DMD: variants seen among roughly 807,000 people sequenced by gnomAD.
DMD encodes the protein dystrophin.
In DMD, 63 loss-of-function variants were observed where a neutral mutation model predicts 330.1. The observed-to-expected ratio is 0.19, with a 90% CI of 0.16 to 0.24. DMD has a LOEUF of 0.24. Ranked by LOEUF, DMD falls within the 10% of genes least tolerant of loss-of-function variation. The probability of loss-of-function intolerance (pLI) is 1.00; values close to 1 mark genes in which losing one functional copy is unlikely to be tolerated. For missense variants in DMD, 3,344 were observed against 2,684.1 expected (o/e 1.25, Z -5.43); for synonymous variants, 1,223 against 959.8 (o/e 1.27, Z -5.07).
chrX:31,980,426 G>GT (rs759929262), intron 44 of DMD, among the ~76,000 whole-genome samples: 1 of 111,975 alleles, frequency 8.9e-6, no homozygotes, highest in African/African-American at 3.2e-5. Context: ...GATCAAAATA[G>GT]TACATTTTGT....
intron 1 of DMD, among the ~76,000 whole-genome samples, chrX:33,224,215 T>A (rs995763840): frequency 3.6e-5 from 4 of 112,268 alleles, no homozygotes; most frequent in African/African-American, 1.3e-4. Context: ...TATGATCAAG[T>A]AATTAGACTC....
rs1277576116 is a variant in DMD, at chrX:31,979,675, G to A, written c.6439-11161C>T. 2.7e-5 allele frequency among the ~76,000 whole-genome samples: 3 copies of A among 112,099 alleles called. No homozygotes were observed. The Admixed American group carries it at 2.8e-4, about 11-fold the overall frequency. ...GAAGCTGGTCAAAGACAATTCAAAT[G>A]TTCTGCACTTCATATTAGTGGTGGG... On this transcript the variant is annotated intron_variant, in intron 44 of 78. Transcript: ENST00000357033.
chrX:33,238,483 C>T (rs2052525978), intron 1 of DMD, among the ~76,000 whole-genome samples: 2 of 110,732 alleles, frequency 1.8e-5, no homozygotes, highest in South Asian at 7.6e-4. Context: ...ATACAGCACC[C>T]TCTCTCCCCC....
At chrX:31,480,551 T>C (rs893085821) in intron 57 of DMD, among the ~76,000 whole-genome samples, 1 of 84,919 alleles carries the variant, frequency 1.2e-5, no homozygotes, top group African/African-American at 5.0e-5. Flanking sequence ...GAAATCTCCA[T>C]GTTTGTGTGT....
intron 60 of DMD, among the ~76,000 whole-genome samples, chrX:31,369,739 A>G (rs1244185982): frequency 9.0e-6 from 1 of 111,010 alleles, no homozygotes; most frequent in African/African-American, 3.3e-5. Context: ...AATAAGTCTG[A>G]CCTTACTTCA....
intron 21 of DMD, among the ~76,000 whole-genome samples, chrX:32,482,865 C>G (rs746140907): frequency 9.2e-6 from 1 of 109,040 alleles, no homozygotes; most frequent in East Asian, 2.9e-4. Context: ...TGCCATTTTC[C>G]AACACTGATA....
At chrX:33,126,858 G>A (rs978665262) in intron 1 of DMD, among the ~76,000 whole-genome samples, 1 of 110,989 alleles carries the variant, frequency 9.0e-6, no homozygotes, top group African/African-American at 3.3e-5. Context: ...AGCTATATTC[G>A]GCTCAGCTTG....
intron 1 of DMD, among the ~76,000 whole-genome samples, chrX:33,046,811 T>G (rs1017691829): frequency 4.6e-4 from 52 of 112,407 alleles, no homozygotes; most frequent in African/African-American, 1.7e-3. Flanking sequence ...TACAGCAAAG[T>G]AAGCAAAATT....
intron 1 of DMD, among the ~76,000 whole-genome samples, chrX:33,072,468 A>G (rs1242380406): frequency 2.7e-5 from 3 of 112,301 alleles, no homozygotes; most frequent in Non-Finnish European, 5.6e-5. Context: ...AGATAATTAC[A>G]CAAGGATTTC....
intron 18 of DMD, among the ~76,000 whole-genome samples, chrX:32,516,054 GA>G (rs200541301): frequency 7.3e-4 from 74 of 101,903 alleles, no homozygotes; most frequent in Admixed American, 1.2e-3. Flanking sequence ...GAAATCAAGT[GA>G]AAAAAAAAAG....
At chrX:31,841,293 T>C (rs916429720) in intron 48 of DMD, among the ~76,000 whole-genome samples, 4 of 111,091 alleles carry the variant, frequency 3.6e-5, no homozygotes, top group African/African-American at 9.8e-5. Flanking sequence ...GGTGAGGAAA[T>C]TGTAGAAGAA....
At chrX:31,290,728 T>C (rs1020455983) in intron 62 of DMD, among the ~76,000 whole-genome samples, 1 of 111,779 alleles carries the variant, frequency 8.9e-6, no homozygotes, top group African/African-American at 3.3e-5. Context: ...CCTGCAAAAA[T>C]TAAAAGAAGT....
intron 7 of DMD, among the ~76,000 whole-genome samples, chrX:32,715,159 C>A (rs904844148): frequency 9.0e-6 from 1 of 111,237 alleles, no homozygotes; most frequent in African/African-American, 3.3e-5. Flanking sequence ...TAGTTATACA[C>A]AATGGAATAT....
chrX:33,006,060 C>T (rs1363788535), intron 2 of DMD, among the ~76,000 whole-genome samples: 4 of 111,083 alleles, frequency 3.6e-5, no homozygotes, highest in Non-Finnish European at 7.6e-5. Flanking sequence ...AAGATCTTTA[C>T]AAGAAAACTA....
intron 51 of DMD, among the ~76,000 whole-genome samples, chrX:31,755,605 G>A (rs1198002358): frequency 9.1e-6 from 1 of 110,078 alleles, no homozygotes. Context: ...TTGATCTAGG[G>A]CAATTCATAA....
intron 62 of DMD, among the ~76,000 whole-genome samples, chrX:31,310,201 C>A (rs1394609217): frequency 1.1e-5 from 1 of 93,205 alleles, no homozygotes; most frequent in Non-Finnish European, 2.1e-5. Context: ...CTCTCTCTCT[C>A]TCTCCATATA....
chrX:32,595,538 G>A (rs1381091049), intron 13 of DMD, among the ~76,000 whole-genome samples: 1 of 111,703 alleles, frequency 9.0e-6, no homozygotes, highest in East Asian at 2.8e-4. Context: ...TTCTGGTAAA[G>A]TATTAGATTT....
chrX:31,471,853 G>C (rs1207378817), intron 59 of DMD, among the ~76,000 whole-genome samples: 3 of 111,631 alleles, frequency 2.7e-5, no homozygotes, highest in Non-Finnish European at 3.8e-5. Flanking sequence ...AGTATGGAGT[G>C]ACACTCGCTA....
At chrX:33,082,279 T>C (rs1022712590) in intron 1 of DMD, among the ~76,000 whole-genome samples, 1 of 112,084 alleles carries the variant, frequency 8.9e-6, no homozygotes, top group African/African-American at 3.2e-5. Flanking sequence ...AGATCTCTTA[T>C]TACCTAATTT....
Sources: allele counts gnomAD v4.1 joint callset (sites outside exome capture counted in the v4.1 genomes callset), GRCh38; gene constraint gnomAD v4.1.1; transcripts MANE v1.5; gene names NCBI Gene and HGNC (gene_info 2026-07-23, HGNC 2026-07-21).